Variants in CSMD2 observed in about 807,000 individuals in gnomAD.
The protein encoded by CSMD2 is CUB and Sushi multiple domains 2.
CSMD2 carries 130 observed loss-of-function variants against 398.5 expected under a neutral mutation model. The observed-to-expected ratio is 0.33, with a 90% confidence interval of 0.28 to 0.38. The LOEUF is 0.38. Among genes scored for constraint, CSMD2 ranks in the 10% least tolerant of loss-of-function variants. CSMD2 has a pLI of 1.00. For missense variants in CSMD2, 3,829 were observed against 4,764.9 expected (o/e 0.80, Z 5.78); for synonymous variants, 1,828 against 1,908.5 (o/e 0.96, Z 1.10).
chr1:34,040,674 C>T (rs1393066188), intron 2 of CSMD2, among the ~76,000 whole-genome samples: 1 of 152,176 alleles, frequency 6.6e-6, no homozygotes, highest in Non-Finnish European at 1.5e-5. Flanking sequence ...GGAGAGACAT[C>T]CAGACTTGGG....
At position 33,932,962 on chromosome 1, in the gene CSMD2, A is replaced by G. The variant is rs140819417; in HGVS notation, c.712+2798T>C. Among the ~76,000 whole-genome samples the G allele has an allele frequency of 7.1e-4, 108 of 152,318 alleles. 2 individuals are homozygous for G. In the East Asian group the frequency reaches 0.017, roughly 24 times the overall value. On this transcript the variant is annotated intron_variant, in intron 4 of 70. Transcript: ENST00000373381. The stretch of plus-strand genomic sequence containing the variant: ...GGCTGGAGAAAGAAGAGAGGGTACA[A>G]TGCACATCACAGGGGAACCTGGAGC...
At chr1:33,715,838 C>T (rs751261917) in intron 20 of CSMD2, among the ~76,000 whole-genome samples, 1 of 152,066 alleles carries the variant, frequency 6.6e-6, no homozygotes, top group Non-Finnish European at 1.5e-5. Flanking sequence ...ATATCTATTA[C>T]TACAAAATTA....
chr1:33,633,837 A>G lies in CSMD2; in HGVS notation c.5087-302T>C, dbSNP rs921685711. 2.0e-5 allele frequency among the ~76,000 whole-genome samples: 3 copies of G among 152,184 alleles called. No individual in the cohort carries two copies. The highest frequency in any genetic ancestry group is 7.2e-5 in the African/African-American group (3 of 41,450). On this transcript the variant is annotated intron_variant, in intron 31 of 70. Transcript: ENST00000373381. This position sits in a 1 kb window ranked among gnomAD's most constrained non-coding sequence, Gnocchi z 5.0. ...ATGGAGCCAACTTTGTTCCTTTCCC[A>G]GATAGCAGCTGCAGCAGCTATCTGG...
intron 6 of CSMD2, among the ~76,000 whole-genome samples, chr1:33,840,807 C>G (rs1227823891): frequency 6.6e-6 from 1 of 152,130 alleles, no homozygotes; most frequent in Admixed American, 6.5e-5. Context: ...TTGCAGAGAC[C>G]TTTGGAGGTG....
intron 55 of CSMD2, among the ~76,000 whole-genome samples, chr1:33,556,932 CTG>C (rs1658043313): frequency 6.6e-6 from 1 of 152,164 alleles, no homozygotes; most frequent in African/African-American, 2.4e-5. Flanking sequence ...CCCTGTGAAA[CTG>C]TGAGTCAATT....
intron 12 of CSMD2, among the ~76,000 whole-genome samples, chr1:33,778,986 C>G (rs58862022): frequency 0.097 from 14,830 of 152,216 alleles, 824 homozygotes; most frequent in South Asian, 0.15. Flanking sequence ...TGCCTGAGTT[C>G]AGCCCTTGCA....
At chr1:33,872,291 G>A (rs1433870370) in intron 5 of CSMD2, among the ~76,000 whole-genome samples, 1 of 152,162 alleles carries the variant, frequency 6.6e-6, no homozygotes, top group Non-Finnish European at 1.5e-5. Flanking sequence ...AAGTGAGACA[G>A]GACCTGATAG....
intron 12 of CSMD2, among the ~76,000 whole-genome samples, chr1:33,782,921 T>C (rs1300006280): frequency 6.6e-6 from 1 of 152,132 alleles, no homozygotes; most frequent in Non-Finnish European, 1.5e-5. Context: ...ATTTGGATTC[T>C]GGGAAGATCA....
chr1:33,520,097 C>T (rs1375785256), intron 68 of CSMD2, 147 bp from the exon 69 acceptor site: 1 of 872,882 alleles, frequency 1.1e-6, no homozygotes, highest in East Asian at 2.6e-5. Context: ...CAGGTGTGCC[C>T]AGGGCTGCCC....
intron 33 of CSMD2, among the ~76,000 whole-genome samples, chr1:33,625,920 A>G (rs1308855751): frequency 6.6e-6 from 1 of 152,226 alleles, no homozygotes; most frequent in Non-Finnish European, 1.5e-5. Flanking sequence ...AAGGAAGGGA[A>G]CTAACACCAA....
chr1:33,812,450 G>A (rs570864052), intron 9 of CSMD2, among the ~76,000 whole-genome samples: 2 of 152,336 alleles, frequency 1.3e-5, no homozygotes, highest in East Asian at 1.9e-4. Flanking sequence ...AGTCCTGGGG[G>A]AACCCCCACT....
At chr1:33,813,976 C>T (rs568584177) in intron 9 of CSMD2, 1 of 152,728 alleles carries the variant, frequency 6.5e-6, no homozygotes, top group South Asian at 2.1e-4. Flanking sequence ...CTATGCAGCC[C>T]TCTGTAGTCA....
intron 21 of CSMD2, among the ~76,000 whole-genome samples, chr1:33,713,633 G>A (rs1270132037): frequency 6.6e-6 from 1 of 152,092 alleles, no homozygotes; most frequent in African/African-American, 2.4e-5. Context: ...TTGCAAGGAG[G>A]CTGGCAGGGC....
intron 3 of CSMD2, among the ~76,000 whole-genome samples, chr1:33,979,084 G>A (rs182128591): frequency 1.0e-3 from 159 of 152,236 alleles, no homozygotes; most frequent in Non-Finnish European, 1.7e-3. Context: ...TGAACTCCAC[G>A]TTTCTGTTGC....
chr1:33,707,244 C>G (rs1431102373), intron 22 of CSMD2, among the ~76,000 whole-genome samples: 1 of 152,234 alleles, frequency 6.6e-6, no homozygotes, highest in Non-Finnish European at 1.5e-5. Flanking sequence ...ACTGCTTATA[C>G]TCCCTTCAAA....
chr1:34,149,239 C>T (rs1640063258), intron 1 of CSMD2, among the ~76,000 whole-genome samples: 2 of 152,162 alleles, frequency 1.3e-5, no homozygotes. Flanking sequence ...CTTCACTGAG[C>T]TAGGGTCCTT....
At position 34,103,314 on chromosome 1, in the gene CSMD2, T is replaced by TTTTC. The variant is rs1553316154; in HGVS notation, c.188-14122_188-14121insGAAA. Among the ~76,000 whole-genome samples, 44 of 114,712 alleles carry TTTTC rather than the reference T, an allele frequency of 3.8e-4. 8 individuals carry two copies. Among genetic ancestry groups the TTTTC allele is most frequent in the East Asian group, 9.4e-4 (3 of 3,192 alleles). 75.3% of individuals were successfully genotyped at this position (114,712 alleles called of 152,430 possible). On this transcript the variant is annotated intron_variant, in intron 1 of 70. Coordinates refer to ENST00000373381, the MANE Select transcript of CSMD2 (RefSeq NM_001281956.2). ...CTTTTTTTTTTTTTTTTTTTTTCTTTCTGAGCCAGATTCTCGCTCTGTCAA... is the reference window on the plus strand; with the variant it reads ...CTTTTTTTTTTTTTTTTTTTTTCTTTTTTCCTGAGCCAGATTCTCGCTCTGTCAA...
At chr1:33,614,122 C>T (rs572683769) in intron 40 of CSMD2, among the ~76,000 whole-genome samples, 24 of 151,956 alleles carry the variant, frequency 1.6e-4, no homozygotes, top group African/African-American at 4.3e-4. Flanking sequence ...AGTCTCTGTA[C>T]GACAGATTTC....
At chr1:34,085,001 C>G (rs571610991) in intron 2 of CSMD2, among the ~76,000 whole-genome samples, 1 of 152,084 alleles carries the variant, frequency 6.6e-6, no homozygotes, top group Non-Finnish European at 1.5e-5. Flanking sequence ...CAATGATAGA[C>G]TGGATTAAGA....
Sources: gnomAD v4.1 joint callset for allele counts (sites outside exome capture counted in the v4.1 genomes callset) on GRCh38, gnomAD v4.1.1 for gene constraint, Gnocchi (gnomAD v3.1) non-coding constraint, MANE v1.5 for transcripts, NCBI Gene and HGNC (gene_info 2026-07-23, HGNC 2026-07-21) for gene names.